Variants in RBM25 observed in about 807,000 individuals in gnomAD.
RBM25 encodes RNA-binding protein 25.
In RBM25, 19 loss-of-function variants were observed where a neutral mutation model predicts 120.7. The observed-to-expected ratio is 0.16, with a 90% CI of 0.11 to 0.23. The LOEUF (loss-of-function observed/expected upper bound fraction) is 0.23. Ranked by LOEUF, RBM25 falls within the 10% of genes least tolerant of loss-of-function variation. The pLI, the probability that RBM25 is intolerant of heterozygous loss-of-function variation, is 1.00. For missense variants in RBM25, 605 were observed against 1,041.5 expected (o/e 0.58, Z 5.77); for synonymous variants, 390 against 326.7 (o/e 1.19, Z -2.09).
intron 2 of RBM25, among the ~76,000 whole-genome samples, chr14:73,076,054 A>G (rs951112061): frequency 2.6e-5 from 4 of 152,234 alleles, no homozygotes; most frequent in African/African-American, 9.6e-5. Flanking sequence ...ACCCGAATGG[A>G]TAACTATCCA....
At chr14:73,069,746 TAAAAAAAAAAAAAAAAAA>T (rs57669015) in intron 1 of RBM25, 28 of 44,162 alleles carry the variant, frequency 6.3e-4, no homozygotes, top group East Asian at 1.9e-3. Context: ...CCCTGTTTCT[TAAAAAAAAAAAAAAAAAA>T]AAAAAAAAAA....
At chr14:73,115,365 CCT>C (rs1704297977) in intron 18 of RBM25, among the ~76,000 whole-genome samples, 1 of 152,186 alleles carries the variant, frequency 6.6e-6, no homozygotes, top group Admixed American at 6.5e-5. Context: ...GTGTTGTTCC[CCT>C]CTCTTCGTTC....
intron 9 of RBM25, chr14:73,102,046 C>T (rs1429178579): frequency 6.6e-6 from 1 of 152,146 alleles, no homozygotes; most frequent in Admixed American, 6.6e-5. Context: ...TATAAGTTCT[C>T]TGATCCATGA....
chr14:73,069,746 T>TTAA (rs545485336), intron 1 of RBM25: 11 of 44,154 alleles, frequency 2.5e-4, no homozygotes, highest in African/African-American at 8.1e-4. Context: ...CCCTGTTTCT[T>TTAA]AAAAAAAAAA....
At chr14:73,106,582 T>C (rs1299234290) in intron 12 of RBM25, among the ~76,000 whole-genome samples, 1 of 152,178 alleles carries the variant, frequency 6.6e-6, no homozygotes, top group East Asian at 1.9e-4. Flanking sequence ...TGCATATTTT[T>C]AAAATTGTTG....
chr14:73,087,000 C>T (rs1475770250), intron 5 of RBM25, among the ~76,000 whole-genome samples: 5 of 152,172 alleles, frequency 3.3e-5, no homozygotes, highest in South Asian at 2.1e-4. Flanking sequence ...CCACTGCGCC[C>T]GGCCTAAAGG....
Position 73,070,065 on chromosome 14 carries a change from GTTCTTTTTT to G in RBM25, c.-15-1553_-15-1545del, listed in dbSNP as rs1332788405. 4 of 151,744 alleles carry G rather than the reference GTTCTTTTTT, an allele frequency of 2.6e-5. No homozygotes were observed. In the East Asian group the frequency reaches 7.7e-4, roughly 29 times the overall value. The allele number at this position is 151,744 out of a possible 1,614,324, so 9.4% of individuals were successfully genotyped here. A position where few individuals can be genotyped will look rare whatever the true frequency, so the allele number is the denominator to read the frequency against. ...CAAACTAAGTGAAACAGTTAAATGTGTTCTTTTTTTTCTTTTTCTTTTTCTTCCCACCCC... is the reference window on the plus strand; with the variant it reads ...CAAACTAAGTGAAACAGTTAAATGTGTTCTTTTTCTTTTTCTTCCCACCCC... On this transcript the variant is annotated intron_variant, in intron 1 of 18. Coordinates refer to ENST00000261973, the MANE Select transcript of RBM25 (RefSeq NM_021239.3).
At chr14:73,107,771 A>G in intron 12 of RBM25, 55 bp from the exon 13 acceptor site, 1 of 1,279,090 alleles carries the variant, frequency 7.8e-7, no homozygotes, top group East Asian at 2.4e-5. Flanking sequence ...AAAAGGGAAG[A>G]GTAATCTTTA....
At chr14:73,101,630 A>T (rs1461350784) in intron 9 of RBM25, 2 of 151,986 alleles carry the variant, frequency 1.3e-5, no homozygotes, top group African/African-American at 4.8e-5. Context: ...TCTGAAACAA[A>T]TGGTTATTTA....
intron 7 of RBM25, 123 bp from the exon 8 acceptor site, chr14:73,099,257 A>G: frequency 1.2e-6 from 1 of 842,124 alleles, no homozygotes; most frequent in South Asian, 1.9e-5. Flanking sequence ...ATTTGAAATC[A>G]AGAAAGCATC....
chr14:73,079,319 A>T (rs1365248269), intron 4 of RBM25, among the ~76,000 whole-genome samples: 2 of 150,590 alleles, frequency 1.3e-5, no homozygotes, highest in African/African-American at 4.8e-5. Context: ...ACTACGCGGG[A>T]GGCTGAGGCA....
At chr14:73,088,869 G>A (rs193071577) in intron 6 of RBM25, among the ~76,000 whole-genome samples, 2 of 152,256 alleles carry the variant, frequency 1.3e-5, no homozygotes. Context: ...TGCTGGGCAC[G>A]GTGGCTCACG....
chr14:73,105,924 G>A lies in RBM25; in HGVS notation c.1220G>A (p.Arg407Gln). The A allele has an allele frequency of 1.2e-6, 2 of 1,612,322 alleles. No homozygotes were observed. Among genetic ancestry groups the A allele is most frequent in the Non-Finnish European group, 1.7e-6 (2 of 1,179,074 alleles). Residue 407 changes from arginine to glutamine, a missense_variant, in exon 11 of 19, where the codon CGA (arginine) becomes CAA (glutamine). Transcript: ENST00000261973. ...RERERERERE[R>Q]ERERERERER... Reference sequence around the variant, plus strand: ...AGAGAGAGAGAGAGAGAACGAGAGCGAGAACGAGAACGGGAGCGAGAGAGA... The same window carrying A: ...AGAGAGAGAGAGAGAGAACGAGAGCAAGAACGAGAACGGGAGCGAGAGAGA...
chr14:73,107,494 A>G (rs1054415925), intron 12 of RBM25: 11 of 241,676 alleles, frequency 4.6e-5, no homozygotes, highest in Non-Finnish European at 4.0e-5. Flanking sequence ...AGCTGCACAG[A>G]TAGCTCCAAC....
At chr14:73,065,920 G>A (rs1041534894) in intron 1 of RBM25, among the ~76,000 whole-genome samples, 11 of 152,166 alleles carry the variant, frequency 7.2e-5, no homozygotes, top group African/African-American at 2.7e-4. Flanking sequence ...TTTTAAAAAT[G>A]AGTTCATGGC....
intron 2 of RBM25, among the ~76,000 whole-genome samples, chr14:73,073,670 A>T (rs1263447077): frequency 6.6e-6 from 1 of 152,220 alleles, no homozygotes; most frequent in Non-Finnish European, 1.5e-5. Context: ...CCTGGGCAAC[A>T]AGAATGCAAC....
At chr14:73,104,099 A>G (rs542040163) in intron 10 of RBM25, among the ~76,000 whole-genome samples, 191 of 151,780 alleles carry the variant, frequency 1.3e-3, no homozygotes, top group Admixed American at 3.1e-3. Flanking sequence ...TGGCCACTCA[A>G]TGTTCTGGGC....
At chr14:73,114,907 A>G (rs1351791215) in intron 18 of RBM25, among the ~76,000 whole-genome samples, 1 of 152,166 alleles carries the variant, frequency 6.6e-6, no homozygotes, top group Admixed American at 6.5e-5. Context: ...ATAAATAAAT[A>G]AGGCTTCATT....
chr14:73,100,098 G>T, intron 9 of RBM25: 1 of 471,064 alleles, frequency 2.1e-6, no homozygotes, highest in East Asian at 3.2e-5. Flanking sequence ...TCTGGGGGCA[G>T]TTATTTAACT....
Sources: allele counts gnomAD v4.1 joint callset (sites outside exome capture counted in the v4.1 genomes callset), GRCh38; gene constraint gnomAD v4.1.1; transcripts MANE v1.5; gene names NCBI Gene and HGNC (gene_info 2026-07-23, HGNC 2026-07-21).